NT5DC1: variants seen among roughly 807,000 people sequenced by gnomAD.
NT5DC1 encodes 5'-nucleotidase domain containing 1, also known as 5'-nucleotidase domain-containing protein 1.
NT5DC1 carries 42 observed loss-of-function variants against 59.4 expected under a neutral mutation model. The observed-to-expected ratio is 0.71, with a 90% CI of 0.55 to 0.92. The LOEUF (loss-of-function observed/expected upper bound fraction) is 0.92, where lower values mean the gene tolerates loss of function less well. Among genes scored for constraint, NT5DC1 ranks in the 40% least tolerant of loss-of-function variants. NT5DC1 has a pLI of 0.00. For missense variants in NT5DC1, 501 were observed against 537.1 expected (o/e 0.93, Z 0.66); for synonymous variants, 172 against 188.1 (o/e 0.91, Z 0.70).
At chr6:116,234,378 T>A (rs1782077183) in intron 8 of NT5DC1, among the ~76,000 whole-genome samples, 1 of 152,168 alleles carries the variant, frequency 6.6e-6, no homozygotes, top group Admixed American at 6.5e-5. Context: ...TCTACTTCTG[T>A]CACCCAGTGG....
At chr6:116,123,984 T>A (rs972708345) in intron 6 of NT5DC1, among the ~76,000 whole-genome samples, 2 of 152,198 alleles carry the variant, frequency 1.3e-5, no homozygotes, top group African/African-American at 4.8e-5. Context: ...TGTCATAGCA[T>A]TTCAAATTGT....
intron 6 of NT5DC1, among the ~76,000 whole-genome samples, chr6:116,160,133 T>C (rs559245973): frequency 6.6e-6 from 1 of 152,312 alleles, no homozygotes; most frequent in Non-Finnish European, 1.5e-5. Context: ...ATATACATAG[T>C]GGTGGGGTTG....
chr6:116,243,289 G>A (rs915498831), intron 11 of NT5DC1, among the ~76,000 whole-genome samples: 18 of 152,122 alleles, frequency 1.2e-4, no homozygotes, highest in African/African-American at 4.3e-4. Flanking sequence ...CTCTGAGGAG[G>A]GCCTGGGAGT....
intron 6 of NT5DC1, among the ~76,000 whole-genome samples, chr6:116,151,363 G>T (rs777377649): frequency 2.0e-5 from 3 of 152,118 alleles, no homozygotes. Context: ...TCTCAAAATT[G>T]TACAGGAAGA....
intron 2 of NT5DC1, 97 bp downstream of exon 2, chr6:116,106,432 G>A: frequency 1.5e-6 from 1 of 657,912 alleles, no homozygotes; most frequent in Non-Finnish European, 2.7e-6. Flanking sequence ...CTAAGAAGAT[G>A]GAATGTGAAA....
rs1332482780 is a variant in NT5DC1, at chr6:116,146,802, T to C, written c.529+28857T>C. 9.9e-5 allele frequency among the ~76,000 whole-genome samples: 15 copies of C among 151,976 alleles called. No homozygotes were observed. The East Asian group carries it at 2.9e-3, about 29-fold the overall frequency. On this transcript the variant is annotated intron_variant, in intron 6 of 11. Coordinates refer to ENST00000319550, the MANE Select transcript of NT5DC1 (RefSeq NM_152729.3). Reference sequence around the variant, plus strand: ...TGTATGAAAAAGATAGCATTTCAGATCAGTGGAAGACAGATTATTCAATAA... The same window carrying C: ...TGTATGAAAAAGATAGCATTTCAGACCAGTGGAAGACAGATTATTCAATAA...
intron 8 of NT5DC1, among the ~76,000 whole-genome samples, chr6:116,236,498 G>C (rs73566462): frequency 0.065 from 9,890 of 152,242 alleles, 402 homozygotes; most frequent in African/African-American, 0.11. Flanking sequence ...GCTGGTACTA[G>C]GGTAAAGCAT....
rs1445507585 is a variant in NT5DC1, at chr6:116,106,300, A to G, written c.150A>G (p.Glu50=). ...FLVKEKGYDK[E]LLNVTPEDWD... is the part of the protein sequence containing the mutation. The stretch of plus-strand genomic sequence containing the variant: ...TTAAGGAGAAAGGGTACGATAAGGA[A>G]TTGCTCAATGTGACCCCAGAGGATT... The change falls in exon 2 of 12, where the codon GAA becomes GAG. Residue 50 remains glutamate (E), a synonymous_variant. Transcript: ENST00000319550. The G allele has an allele frequency of 1.9e-6, 3 of 1,581,642 alleles. No homozygotes were observed. The highest frequency in any genetic ancestry group is 1.4e-5 in the African/African-American group (1 of 73,814).
At chr6:116,132,612 G>A (rs1779497028) in intron 6 of NT5DC1, among the ~76,000 whole-genome samples, 1 of 152,086 alleles carries the variant, frequency 6.6e-6, no homozygotes, top group Admixed American at 6.5e-5. Context: ...AAGGAAACTA[G>A]TTTATTATGC....
chr6:116,166,598 AT>A (rs1427617887), intron 6 of NT5DC1, among the ~76,000 whole-genome samples: 2 of 152,170 alleles, frequency 1.3e-5, no homozygotes, highest in African/African-American at 4.8e-5. Context: ...TTTCCCAGAT[AT>A]TTCCCTTGAG....
intron 11 of NT5DC1, among the ~76,000 whole-genome samples, chr6:116,241,939 C>CAAAA (rs1280732737): frequency 8.3e-5 from 1 of 12,030 alleles, no homozygotes; most frequent in Admixed American, 1.4e-3. Flanking sequence ...AAAAAAAAAA[C>CAAAA]AAAACAAAAA....
At chr6:116,177,900 T>C (rs974136640) in intron 6 of NT5DC1, among the ~76,000 whole-genome samples, 1 of 152,186 alleles carries the variant, frequency 6.6e-6, no homozygotes, top group Non-Finnish European at 1.5e-5. Flanking sequence ...CTTTTTGCTG[T>C]ACTTTTGCTA....
intron 6 of NT5DC1, among the ~76,000 whole-genome samples, chr6:116,138,942 A>C (rs1371355479): frequency 6.6e-6 from 1 of 152,140 alleles, no homozygotes; most frequent in Non-Finnish European, 1.5e-5. Context: ...TTATAATTGC[A>C]TTATTAGTTT....
At chr6:116,163,141 A>AAAAAAAAAAATATATAT (rs761718922) in intron 6 of NT5DC1, among the ~76,000 whole-genome samples, 6 of 88,406 alleles carry the variant, frequency 6.8e-5, no homozygotes, top group African/African-American at 3.5e-4. Flanking sequence ...AAAAAAAAAA[A>AAAAAAAAAAATATATAT]ATATATATAT....
intron 6 of NT5DC1, among the ~76,000 whole-genome samples, chr6:116,148,421 A>G (rs4946138): frequency 0.51 from 77,582 of 152,004 alleles, 20,920 homozygotes; most frequent in African/African-American, 0.69. Flanking sequence ...ACTTTTTGGA[A>G]CATTTGAATA....
At chr6:116,232,095 G>A (rs976789433) in intron 8 of NT5DC1, among the ~76,000 whole-genome samples, 1 of 152,010 alleles carries the variant, frequency 6.6e-6, no homozygotes, top group Non-Finnish European at 1.5e-5. Context: ...TTTTCTGCCT[G>A]TGTCTTCACA....
chr6:116,207,659 A>C lies in NT5DC1; in HGVS notation c.530-13395A>C, dbSNP rs190629286. Reference sequence around the variant, plus strand: ...TGTGAAAAAGGCAAAAATAAGACCAAAGAAGAAAAAAGAGGAATTTAGATG... The same window carrying C: ...TGTGAAAAAGGCAAAAATAAGACCACAGAAGAAAAAAGAGGAATTTAGATG... On this transcript the variant is annotated intron_variant, in intron 6 of 11. Transcript: ENST00000319550. 1.8e-3 allele frequency among the ~76,000 whole-genome samples: 269 copies of C among 152,076 alleles called. 1 individual carries two copies. The highest frequency in any genetic ancestry group is 6.1e-3 in the African/African-American group (254 of 41,538).
At chr6:116,101,172 G>A (rs2114892407) in intron 1 of NT5DC1, 149 bp downstream of exon 1, 3 of 594,598 alleles carry the variant, frequency 5.0e-6, no homozygotes, top group South Asian at 2.1e-5. Context: ...GCGGCGAGAA[G>A]GGGCGGAAGT....
chr6:116,241,922 CA>C (rs772261524), intron 11 of NT5DC1, among the ~76,000 whole-genome samples: 133 of 10,504 alleles, frequency 0.013, 2 homozygotes, highest in African/African-American at 0.088. Flanking sequence ...GACTCCGTCT[CA>C]AAAAAAAAAA....
Sources: allele counts gnomAD v4.1 joint callset (sites outside exome capture counted in the v4.1 genomes callset), GRCh38; gene constraint gnomAD v4.1.1; transcripts MANE v1.5; gene names NCBI Gene and HGNC (gene_info 2026-07-23, HGNC 2026-07-21).